Variants in ILKAP observed in about 807,000 individuals in gnomAD.
ILKAP encodes integrin-linked kinase-associated serine/threonine phosphatase 2C.
A neutral mutation model predicts 49.1 loss-of-function variants in ILKAP; 11 were observed. The ratio of observed to expected loss-of-function variants is 0.22; its 90% CI spans 0.14 to 0.37. ILKAP has a LOEUF of 0.37. Ranked by LOEUF, ILKAP falls within the 10% of genes least tolerant of loss-of-function variation. ILKAP has a pLI of 1.00. For missense variants in ILKAP, 363 were observed against 510.8 expected (o/e 0.71, Z 2.79); for synonymous variants, 186 against 192.8 (o/e 0.96, Z 0.29).
chr2:238,184,235 G>A, intron 6 of ILKAP, 122 bp from the exon 7 acceptor site: 1 of 658,928 alleles, frequency 1.5e-6, no homozygotes, highest in South Asian at 1.7e-5. Context: ...CTGTCACCAG[G>A]CTGGAATGCA....
intron 5 of ILKAP, among the ~76,000 whole-genome samples, 200 bp downstream of exon 5, chr2:238,187,931 G>C (rs1206120518): frequency 6.6e-6 from 1 of 152,096 alleles, no homozygotes; most frequent in African/African-American, 2.4e-5. Flanking sequence ...ACTCCCTCCC[G>C]CAGTTGTGAC....
chr2:238,191,832 G>T (rs1302671955), intron 3 of ILKAP, among the ~76,000 whole-genome samples: 1 of 150,828 alleles, frequency 6.6e-6, no homozygotes, highest in East Asian at 2.0e-4. Context: ...TGGAACCCAG[G>T]AGGCGGAGGC....
intron 5 of ILKAP, among the ~76,000 whole-genome samples, chr2:238,187,898 C>T (rs540015946): frequency 6.6e-6 from 1 of 152,288 alleles, no homozygotes; most frequent in South Asian, 2.1e-4. Flanking sequence ...TCCCTAGTCT[C>T]TACCCACCAG....
chr2:238,194,205 T>A (rs1694256268), intron 3 of ILKAP, 70 bp downstream of exon 3: 1 of 1,373,276 alleles, frequency 7.3e-7, no homozygotes, highest in African/African-American at 1.4e-5. Flanking sequence ...AACCTATACA[T>A]AAATTTCACA....
At chr2:238,194,985 A>C in intron 1 of ILKAP, 115 bp from the exon 2 acceptor site, 1 of 805,182 alleles carries the variant, frequency 1.2e-6, no homozygotes, top group South Asian at 1.7e-5. Context: ...TTAGATTCTA[A>C]TTTTCTCCTT....
At chr2:238,189,170 T>C (rs1249309516) in intron 4 of ILKAP, among the ~76,000 whole-genome samples, 1 of 151,972 alleles carries the variant, frequency 6.6e-6, no homozygotes, top group East Asian at 1.9e-4. Context: ...TACAAAAAAC[T>C]AGCCAGGCGT....
intron 1 of ILKAP, among the ~76,000 whole-genome samples, chr2:238,200,046 GA>G (rs1483042097): frequency 6.6e-6 from 1 of 152,164 alleles, no homozygotes; most frequent in African/African-American, 2.4e-5. Flanking sequence ...CTATAAAAGT[GA>G]AATCAAGTTA....
At chr2:238,172,923 C>T (rs929670125) in intron 10 of ILKAP, among the ~76,000 whole-genome samples, 2 of 152,174 alleles carry the variant, frequency 1.3e-5, no homozygotes, top group Non-Finnish European at 2.9e-5. Flanking sequence ...CCCATAATGC[C>T]ATCTTTAACC....
At chr2:238,183,281 T>C (rs2106332189) in intron 8 of ILKAP, among the ~76,000 whole-genome samples, 1 of 152,366 alleles carries the variant, frequency 6.6e-6, no homozygotes, top group East Asian at 1.9e-4. Flanking sequence ...TTAAAGCTTT[T>C]CATTCATTAC....
rs1204990196 is a variant in ILKAP at position 238,194,274 on chromosome 2, C to T, written c.178+1G>A. 1.9e-6 allele frequency: 3 copies of T among 1,613,866 alleles called. No individual in the cohort carries two copies. Among genetic ancestry groups the T allele is most frequent in the Non-Finnish European group, 2.5e-6 (3 of 1,179,770 alleles). On this transcript the variant is annotated splice_donor_variant, in intron 3 of 11. Transcript: ENST00000254654. LOFTEE classifies it high-confidence loss of function. ...CACCTTGGATTTTTCCTACCACTTA[C>T]CTGAATCGCCACTGCTAGCGGGTGG...
chr2:238,181,229 C>A (rs1416805725), intron 9 of ILKAP, among the ~76,000 whole-genome samples: 1 of 152,174 alleles, frequency 6.6e-6, no homozygotes, highest in Non-Finnish European at 1.5e-5. Flanking sequence ...TAAGTGCAGT[C>A]TTATACTAAG....
chr2:238,183,682 G>T lies in ILKAP; in HGVS notation c.685C>A (p.Leu229Ile). ...ATCVLAVDNI[L>I]YIANLGDSRA... ...CTATCTCCGAGGTTGGCAATATAAAGAATGTTGTCTACAGCCAGAACACAC... is the reference window on the plus strand; with the variant it reads ...CTATCTCCGAGGTTGGCAATATAAATAATGTTGTCTACAGCCAGAACACAC... Residue 229 changes from leucine (L) to isoleucine (I), a missense_variant, in exon 8 of 12, where the codon CTT becomes ATT. Physicochemically the swap from Leu to Ile is conservative, Grantham distance 5. Around this residue, in one of 3 missense-constraint regions of ILKAP, gnomAD observed 166 missense variants for 307.3 expected, o/e 0.54. Coordinates refer to ENST00000254654, the MANE Select transcript of ILKAP (RefSeq NM_030768.3). 6.2e-7 allele frequency: 1 copy of T among 1,613,192 alleles called. No homozygotes were observed. The highest frequency in any genetic ancestry group is 2.2e-5 in the East Asian group (1 of 44,888).
At chr2:238,192,868 C>T (rs1412685438) in intron 3 of ILKAP, among the ~76,000 whole-genome samples, 1 of 151,678 alleles carries the variant, frequency 6.6e-6, no homozygotes, top group Non-Finnish European at 1.5e-5. Context: ...CAAAAATTAG[C>T]CAGGCATGGT....
chr2:238,172,921 G>A (rs543713570), intron 10 of ILKAP, among the ~76,000 whole-genome samples: 17 of 152,246 alleles, frequency 1.1e-4, no homozygotes, highest in African/African-American at 3.4e-4. Flanking sequence ...GCCCCATAAT[G>A]CCATCTTTAA....
At chr2:238,185,383 A>AT (rs1268146390) in intron 5 of ILKAP, 96 bp from the exon 6 acceptor site, 15 of 778,614 alleles carry the variant, frequency 1.9e-5, no homozygotes, top group Non-Finnish European at 3.1e-5. Context: ...GTGAACATTA[A>AT]TAAGTCAGAG....
chr2:238,176,366 C>T (rs981498425), intron 9 of ILKAP, among the ~76,000 whole-genome samples: 18 of 152,178 alleles, frequency 1.2e-4, no homozygotes, highest in African/African-American at 3.9e-4. Flanking sequence ...CTCCTGACCT[C>T]GTGATCCACC....
In ILKAP at chr2:238,170,471, G is replaced by A. The variant is rs1050721815; in HGVS notation, c.*65C>T. The stretch of plus-strand genomic sequence containing the variant: ...CACAGGAGTACACAAAACACACAAT[G>A]TGCACACACACAAAATGAACCTTTT... On this transcript the variant is annotated 3_prime_UTR_variant, in exon 12 of 12. Transcript: ENST00000254654. 6 of 1,511,034 alleles carry A rather than the reference G, an allele frequency of 4.0e-6. No homozygotes were observed. Among genetic ancestry groups the A allele is most frequent in the South Asian group, 3.8e-5 (3 of 78,918 alleles). The allele number at this position is 1,511,034 out of a possible 1,614,324, so 93.6% of individuals were successfully genotyped here.
chr2:238,180,137 C>T (rs112551486), intron 9 of ILKAP, among the ~76,000 whole-genome samples: 61 of 151,020 alleles, frequency 4.0e-4, no homozygotes, highest in Non-Finnish European at 7.5e-4. Context: ...TGCCACTGCA[C>T]TCCAGGCAAC....
chr2:238,191,974 A>C (rs1266769006), intron 3 of ILKAP, among the ~76,000 whole-genome samples: 3 of 151,794 alleles, frequency 2.0e-5, no homozygotes, highest in Non-Finnish European at 4.4e-5. Context: ...GCACTTTGGG[A>C]GGCAGAGGCA....
Sources: gnomAD v4.1 joint callset for allele counts (sites outside exome capture counted in the v4.1 genomes callset) on GRCh38, gnomAD v4.1.1 for gene constraint, gnomAD v4.1.1 regional missense constraint, MANE v1.5 for transcripts, NCBI Gene and HGNC (gene_info 2026-07-23, HGNC 2026-07-21) for gene names.